Variants in NFYB observed in about 807,000 individuals in gnomAD.
The protein encoded by NFYB is nuclear transcription factor Y subunit beta.
In NFYB, 13 loss-of-function variants were observed where a neutral mutation model predicts 28.0. That is an observed-to-expected ratio of 0.46 (90% CI 0.30 to 0.74). NFYB has a LOEUF of 0.74. NFYB is among the 30% of genes least tolerant of loss of function. NFYB has a pLI of 0.07. For synonymous variants in NFYB, 74 were observed against 75.0 expected, an observed-to-expected ratio of 0.99 and a Z score of 0.07; for missense variants, 142 against 247.6, an observed-to-expected ratio of 0.57 and a Z score of 2.86.
intron 2 of NFYB, among the ~76,000 whole-genome samples, chr12:104,132,669 C>G (rs2030967669): frequency 6.6e-6 from 1 of 152,154 alleles, no homozygotes; most frequent in African/African-American, 2.4e-5. Flanking sequence ...ATTCTTGCAG[C>G]TGGAGAGACA....
intron 3 of NFYB, among the ~76,000 whole-genome samples, chr12:104,127,904 C>A (rs996876389): frequency 2.0e-5 from 3 of 151,880 alleles, no homozygotes; most frequent in Non-Finnish European, 4.4e-5. Flanking sequence ...AGGCTGGTCT[C>A]GAACTCCTGA....
Position 104,119,617 on chromosome 12 carries a change from C to T in NFYB, c.*120G>A, listed in dbSNP as rs149944005. 40 of 617,186 alleles carry T rather than the reference C, an allele frequency of 6.5e-5. No individual in the cohort carries two copies. In the East Asian group the frequency reaches 1.0e-3, roughly 16 times the overall value. 38.2% of individuals were successfully genotyped at this position (617,186 alleles called of 1,614,324 possible). A position where few individuals can be genotyped will look rare whatever the true frequency, so the allele number is the denominator to read the frequency against. On this transcript the variant is annotated 3_prime_UTR_variant, in exon 8 of 8. Transcript: ENST00000240055. ...CAATTAGTCAAGCATCAGGAAGCTA[C>T]ATTACAGCTATTAATATACAAAGAT...
chr12:104,128,587 A>G, intron 2 of NFYB, 70 bp from the exon 3 acceptor site: 1 of 989,672 alleles, frequency 1.0e-6, no homozygotes, highest in Non-Finnish European at 1.6e-6. Context: ...CAACACTTAT[A>G]AACTGTCACA....
At chr12:104,126,039 T>C in intron 4 of NFYB, 75 bp downstream of exon 4, 1 of 1,404,600 alleles carries the variant, frequency 7.1e-7, no homozygotes, top group Non-Finnish European at 9.5e-7. Flanking sequence ...CAGCTAACTG[T>C]ACCCATGACC....
At position 104,126,104 on chromosome 12, in the gene NFYB, T is replaced by C; in HGVS notation, c.231+10A>G. ...TGAAAAAACCTAGTTAAATTTCTCCTCTACGTTACCTTTCCCGTTTGAGGT... is the reference window on the plus strand; with the variant it reads ...TGAAAAAACCTAGTTAAATTTCTCCCCTACGTTACCTTTCCCGTTTGAGGT... On this transcript the variant is annotated intron_variant, in intron 4 of 7. Coordinates refer to ENST00000240055, the MANE Select transcript of NFYB (RefSeq NM_006166.4). The C allele has an allele frequency of 1.9e-6, 3 of 1,572,438 alleles. No individual in the cohort carries two copies. The highest frequency in any genetic ancestry group is 2.6e-6 in the Non-Finnish European group (3 of 1,164,720).
At chr12:104,127,775 C>T (rs866233673) in intron 3 of NFYB, among the ~76,000 whole-genome samples, 1 of 147,124 alleles carries the variant, frequency 6.8e-6, no homozygotes. Flanking sequence ...CTCCCAGATT[C>T]AAGCAATCCT....
At chr12:104,127,119 T>C (rs975996022) in intron 3 of NFYB, among the ~76,000 whole-genome samples, 3 of 152,220 alleles carry the variant, frequency 2.0e-5, no homozygotes, top group African/African-American at 7.2e-5. Flanking sequence ...ACTCTTCATA[T>C]GTACTAAGTA....
Position 104,123,358 on chromosome 12 carries a change from A to T in NFYB, c.297T>A (p.Ser99=), listed in dbSNP as rs774625999. ...CTTGATGGCACCTTTCACTTGCTTC[A>T]GATGTTATAAAACTGATGAACTCAC... ...CVSEFISFIT[S]EASERCHQEK... is the part of the protein sequence containing the mutation. Residue 99 remains serine, a synonymous_variant, in exon 5 of 8, where the codon TCT becomes TCA. Transcript: ENST00000240055. The T allele has an allele frequency of 2.5e-6, 4 of 1,613,996 alleles. No individual in the cohort carries two copies. Among genetic ancestry groups the T allele is most frequent in the African/African-American group, 1.3e-5 (1 of 74,936 alleles).
chr12:104,123,546 ATAT>A, intron 4 of NFYB, 123 bp from the exon 5 acceptor site: 9 of 712,176 alleles, frequency 1.3e-5, no homozygotes, highest in Non-Finnish European at 2.1e-5. Flanking sequence ...TCTCTTAAAT[ATAT>A]GTTATAACAT....
At chr12:104,120,368 T>G in intron 7 of NFYB, 32 bp downstream of exon 7, 1 of 1,577,942 alleles carries the variant, frequency 6.3e-7, no homozygotes, top group Non-Finnish European at 8.7e-7. Context: ...ACAATCAAAT[T>G]TTTTAAGCAT....
chr12:104,131,435 G>A (rs1398204953), intron 2 of NFYB: 2 of 194,372 alleles, frequency 1.0e-5, no homozygotes, highest in African/African-American at 4.8e-5. Flanking sequence ...TTAAAATCCT[G>A]CCCCAGACTT....
intron 2 of NFYB, among the ~76,000 whole-genome samples, chr12:104,134,291 TATCTC>T (rs1483243290): frequency 1.3e-5 from 2 of 152,196 alleles, no homozygotes; most frequent in Non-Finnish European, 1.5e-5. Flanking sequence ...GCATGTCTAA[TATCTC>T]ATCACGGCAA....
intron 2 of NFYB, among the ~76,000 whole-genome samples, chr12:104,135,099 G>C (rs1210132078): frequency 6.6e-6 from 1 of 152,158 alleles, no homozygotes; most frequent in Non-Finnish European, 1.5e-5. Context: ...CAAGTACCCA[G>C]GCTCACCATG....
At chr12:104,128,731 A>T (rs528544793) in intron 2 of NFYB, 1 of 241,754 alleles carries the variant, frequency 4.1e-6, no homozygotes, top group African/African-American at 2.3e-5. Flanking sequence ...CAGTGGCGTG[A>T]TCACAGCTCA....
chr12:104,120,271 T>A, intron 7 of NFYB, 129 bp downstream of exon 7: 1 of 650,622 alleles, frequency 1.5e-6, no homozygotes, highest in Non-Finnish European at 2.7e-6. Flanking sequence ...GCCAGGCTGG[T>A]CTTGAACTCC....
At chr12:104,121,454 G>T in intron 5 of NFYB, 133 bp from the exon 6 acceptor site, 1 of 687,576 alleles carries the variant, frequency 1.5e-6, no homozygotes, top group Non-Finnish European at 2.5e-6. Flanking sequence ...TAACACTTCT[G>T]GTTAATTACA....
intron 3 of NFYB, among the ~76,000 whole-genome samples, chr12:104,127,363 C>T (rs903083197): frequency 2.2e-4 from 33 of 151,742 alleles, no homozygotes; most frequent in Admixed American, 2.2e-3. Context: ...TCTGAGGTCA[C>T]GAGTTTGAGA....
Position 104,121,223 on chromosome 12 carries a change from A to T in NFYB, c.511+17T>A, listed in dbSNP as rs770163568. The T allele has an allele frequency of 5.0e-6, 8 of 1,590,052 alleles. No homozygotes were observed. In the African/African-American group the frequency reaches 9.4e-5, roughly 19 times the overall value. ...ATTGCTAACAATCTACATGACTTGTATTATAACAATGCTTACTAAATGCCT... is the reference window on the plus strand; with the variant it reads ...ATTGCTAACAATCTACATGACTTGTTTTATAACAATGCTTACTAAATGCCT... On this transcript the variant is annotated intron_variant, in intron 6 of 7. Transcript: ENST00000240055.
At position 104,117,943 on chromosome 12, in the gene NFYB, T is replaced by C. The variant is rs1224955015; in HGVS notation, c.*1794A>G. On this transcript the variant is annotated 3_prime_UTR_variant, in exon 8 of 8. Coordinates refer to ENST00000240055, the MANE Select transcript of NFYB (RefSeq NM_006166.4). ...TTCAAAGAATTTAAGAAAACAGTCA[T>C]GGATGTACATGGGATTCAGTGAAGT... 1 of 152,172 alleles carries C rather than the reference T, an allele frequency of 6.6e-6. No individual in the cohort carries two copies. The highest frequency in any genetic ancestry group is 6.5e-5 in the Admixed American group (1 of 15,284). The allele number at this position is 152,172 out of a possible 1,614,324, so 9.4% of individuals were successfully genotyped here. A position where few individuals can be genotyped will look rare whatever the true frequency, so the allele number is the denominator to read the frequency against.
Sources: allele counts gnomAD v4.1 joint callset (sites outside exome capture counted in the v4.1 genomes callset), GRCh38; gene constraint gnomAD v4.1.1; transcripts MANE v1.5; gene names NCBI Gene and HGNC (gene_info 2026-07-23, HGNC 2026-07-21).